The following ACBD4 variants were observed in gnomAD, a reference collection of about 807,000 sequenced individuals.
The protein encoded by ACBD4 is acyl-CoA binding domain containing 4, also known as acyl-CoA-binding domain-containing protein 4.
A neutral mutation model predicts 46.0 loss-of-function variants in ACBD4; 41 were observed. The ratio of observed to expected loss-of-function variants is 0.89; its 90% CI spans 0.69 to 1.16. The LOEUF is 1.16. Ranked by LOEUF, ACBD4 falls within the 50% of genes most tolerant of loss-of-function variation. The probability of loss-of-function intolerance (pLI) is 0.00; values close to 1 mark genes in which losing one functional copy is unlikely to be tolerated. For synonymous variants in ACBD4, 162 were observed against 155.9 expected (o/e 1.04, Z -0.29); for missense variants, 393 against 399.5 (o/e 0.98, Z 0.14).
chr17:45,137,973 C>A lies in ACBD4; in HGVS notation c.634C>A (p.Pro212Thr). ...GCGTGATCCCAGGAACAGCCCCGTGCCCCCCACAAAGAAAGGTGAGCTCCT... is the reference window on the plus strand; with the variant it reads ...GCGTGATCCCAGGAACAGCCCCGTGACCCCCACAAAGAAAGGTGAGCTCCT... ...GKRDPRNSPV[P>T]PTKKEGLRGS... Residue 212 changes from proline (P) to threonine (T), a missense_variant, in exon 8 of 10, where the codon CCC (proline) becomes ACC (threonine). Pro to Thr is a conservative substitution (Grantham distance 38, BLOSUM62 -1). Transcript: ENST00000321854. 2 of 1,613,456 alleles carry A rather than the reference C, an allele frequency of 1.2e-6. No individual in the cohort carries two copies. The highest frequency in any genetic ancestry group is 1.7e-6 in the Non-Finnish European group (2 of 1,179,850).
chr17:45,141,930 C>CAAA, intron 9 of ACBD4, among the ~76,000 whole-genome samples: 1 of 129,442 alleles, frequency 7.7e-6, no homozygotes, highest in Middle Eastern at 3.9e-3. Flanking sequence ...TAGTAATTGC[C>CAAA]AAAAAAAAAA....
intron 5 of ACBD4, 32 bp downstream of exon 5, chr17:45,137,171 G>A (rs1223650564): frequency 6.2e-7 from 1 of 1,613,832 alleles, no homozygotes; most frequent in South Asian, 1.1e-5. Flanking sequence ...CTCCAAAAGT[G>A]CTGAGTGAAC....
rs369428697 is a variant in ACBD4 at position 45,139,102 on chromosome 17, T to C, written c.731T>C (p.Met244Thr). ...LGTVRALQESMQEVQARVQSL... is the reference protein window; with the variant it reads ...LGTVRALQESTQEVQARVQSL... ...ACAGTTCGAGCACTACAGGAGAGCA[T>C]GCAGGAGGTGCAGGCGAGGGTGCAG... is the stretch of plus-strand genomic sequence containing the variant. Residue 244 changes from methionine (M) to threonine (T), a missense_variant, in exon 9 of 10, where the codon ATG (methionine) becomes ACG (threonine). Coordinates refer to ENST00000321854, the MANE Select transcript of ACBD4 (RefSeq NM_001135705.3). 2.1e-5 allele frequency: 34 copies of C among 1,613,744 alleles called. No homozygotes were observed. Among genetic ancestry groups the C allele is most frequent in the Non-Finnish European group, 2.5e-5 (30 of 1,180,032 alleles).
chr17:45,143,660 T>G lies in ACBD4; in HGVS notation c.*89T>G. The stretch of plus-strand genomic sequence containing the variant: ...GGTTTAGAAGAACAGCATTCAAAAT[T>G]CCCCGTCCTGTCAGTGTTTGCCTTC... On this transcript the variant is annotated 3_prime_UTR_variant, in exon 10 of 10. Coordinates refer to ENST00000321854, the MANE Select transcript of ACBD4 (RefSeq NM_001135705.3). 1 of 1,605,494 alleles carries G rather than the reference T, an allele frequency of 6.2e-7. No individual in the cohort carries two copies. The highest frequency in any genetic ancestry group is 8.5e-7 in the Non-Finnish European group (1 of 1,174,426).
At chr17:45,142,137 A>G (rs1339442235) in intron 9 of ACBD4, among the ~76,000 whole-genome samples, 1 of 152,138 alleles carries the variant, frequency 6.6e-6, no homozygotes, top group African/African-American at 2.4e-5. Context: ...TCACGCCTGT[A>G]ATCCTAGCAC....
chr17:45,137,334 C>G (rs186654804), intron 5 of ACBD4, 34 bp from the exon 6 acceptor site: 1 of 1,613,122 alleles, frequency 6.2e-7, no homozygotes, highest in African/African-American at 1.3e-5. Flanking sequence ...CCAGCCTCTC[C>G]CCAGGCCCAC....
rs770183700 is a variant in ACBD4, at chr17:45,143,489, C to T, written c.836C>T (p.Pro279Leu). ...GCTCGGCCATGGCCCCTTGGGCTCC[C>T]GGGGCCCGCGCTGCTCTTCTTCCTC... is the stretch of plus-strand genomic sequence containing the variant. ...PSARPWPLGL[P>L]GPALLFFLLW... The change falls in exon 10 of 10, where the codon CCG becomes CTG. Residue 279 changes from proline (P) to leucine (L), a missense_variant. Pro to Leu is a moderately conservative substitution (Grantham distance 98, BLOSUM62 -3). This residue lies in a region of ACBD4 where 308 missense variants were observed against 301.8 expected (regional missense o/e 1.02). Coordinates refer to ENST00000321854, the MANE Select transcript of ACBD4 (RefSeq NM_001135705.3). The T allele has an allele frequency of 3.1e-6, 5 of 1,613,424 alleles. No homozygotes were observed. Among genetic ancestry groups the T allele is most frequent in the Non-Finnish European group, 2.5e-6 (3 of 1,179,944 alleles).
chr17:45,135,463 G>A (rs2054754234), upstream of ACBD4: 1 of 151,214 alleles, frequency 6.6e-6, no homozygotes, highest in African/African-American at 2.4e-5. Flanking sequence ...ATGTGCACCA[G>A]GGGGCGCTGC....
At position 45,136,551 on chromosome 17, in the gene ACBD4, A is replaced by C. The variant is rs768835046; in HGVS notation, c.140A>C (p.Lys47Thr). 6.8e-6 allele frequency: 11 copies of C among 1,613,804 alleles called. No individual in the cohort carries two copies. The highest frequency in any genetic ancestry group is 1.7e-5 in the Admixed American group (1 of 60,010). The change falls in exon 3 of 10, where the codon AAG becomes ACG. Residue 47 changes from lysine (K) to threonine (T), a missense_variant. Coordinates refer to ENST00000321854, the MANE Select transcript of ACBD4 (RefSeq NM_001135705.3). ...EEMLRFYSYY[K>T]QATMGPCLVP... Reference sequence around the variant, plus strand: ...ATGCTGCGATTCTACAGTTACTACAAGCAGGCCACCATGGGGCCCTGCCTG... The same window carrying C: ...ATGCTGCGATTCTACAGTTACTACACGCAGGCCACCATGGGGCCCTGCCTG...
intron 9 of ACBD4, among the ~76,000 whole-genome samples, chr17:45,140,892 A>G (rs11653796): frequency 0.24 from 36,187 of 152,096 alleles, 4,434 homozygotes; most frequent in Middle Eastern, 0.3. Flanking sequence ...AGGCACCTGT[A>G]ATCCCAGCTA....
At chr17:45,140,914 G>A (rs746699943) in intron 9 of ACBD4, among the ~76,000 whole-genome samples, 1 of 152,208 alleles carries the variant, frequency 6.6e-6, no homozygotes, top group African/African-American at 2.4e-5. Context: ...TCAGGAGGCT[G>A]AGGCAGGAGA....
At position 45,139,151 on chromosome 17, in the gene ACBD4, C is replaced by T. The variant is rs371382726; in HGVS notation, c.780C>T (p.Pro260=). ...AGAGCCTGGAGAGCATGCCCCGGCCCCCTGAGCAGGTAGAGTCCCCCACCC... is the reference window on the plus strand; with the variant it reads ...AGAGCCTGGAGAGCATGCCCCGGCCTCCTGAGCAGGTAGAGTCCCCCACCC... ...RVQSLESMPR[P]PEQRPQPRPS... Residue 260 remains proline, a synonymous_variant, in exon 9 of 10, where the codon CCC becomes CCT. Transcript: ENST00000321854. 1 of 1,613,582 alleles carries T rather than the reference C, an allele frequency of 6.2e-7. No individual in the cohort carries two copies. Among genetic ancestry groups the T allele is most frequent in the East Asian group, 2.2e-5 (1 of 44,886 alleles).
chr17:45,132,601 C>A (rs1598044037), upstream of ACBD4: 1 of 132,332 alleles, frequency 7.6e-6, no homozygotes, highest in Non-Finnish European at 1.6e-5. The surrounding 1 kb of genome is among the most constrained non-coding windows in gnomAD (Gnocchi z 4.6). Flanking sequence ...GGGGCCGGGG[C>A]GGTGCGAGGG....
chr17:45,137,254 C>A, intron 5 of ACBD4, 114 bp from the exon 6 acceptor site: 1 of 1,597,060 alleles, frequency 6.3e-7, no homozygotes, highest in East Asian at 2.2e-5. Context: ...GCCCCCAAGC[C>A]CCCGAGAGGT....
chr17:45,138,283 G>A (rs1274537490), intron 8 of ACBD4: 12 of 530,488 alleles, frequency 2.3e-5, no homozygotes, highest in Non-Finnish European at 4.1e-5. Context: ...CAGCTGCACA[G>A]CCTCAGGAAG....
rs761285302 is a variant in ACBD4 at position 45,137,759 on chromosome 17, G to A, written c.503-1G>A. On this transcript the variant is annotated splice_acceptor_variant, in intron 6 of 9. Coordinates refer to ENST00000321854, the MANE Select transcript of ACBD4 (RefSeq NM_001135705.3). LOFTEE classifies it high-confidence loss of function. ...CAGTAACTCTACCAACCCCTCCACA[G>A]AGTCCCATTCACCCAGGGACCTGGA... The A allele has an allele frequency of 2.0e-5, 32 of 1,613,838 alleles. No homozygotes were observed. In the Middle Eastern group the frequency reaches 4.9e-4, roughly 25 times the overall value.
chr17:45,136,832 C>A, intron 4 of ACBD4, 56 bp downstream of exon 4: 1 of 1,606,016 alleles, frequency 6.2e-7, no homozygotes, highest in South Asian at 1.1e-5. Context: ...CTCACCCTTC[C>A]AGTTCTGACC....
intron 8 of ACBD4, 129 bp downstream of exon 8, chr17:45,138,117 T>G: frequency 2.0e-6 from 2 of 1,024,976 alleles, no homozygotes; most frequent in Non-Finnish European, 2.9e-6. Flanking sequence ...GAGAAGCCTC[T>G]GTCCAGGAAG....
chr17:45,136,939 G>A (rs1598073788), intron 4 of ACBD4, 80 bp from the exon 5 acceptor site: 1 of 1,605,978 alleles, frequency 6.2e-7, no homozygotes, highest in African/African-American at 1.3e-5. Flanking sequence ...TGGGCACAGG[G>A]TGGAGGTGTG....
Sources: gnomAD v4.1 joint callset for allele counts (sites outside exome capture counted in the v4.1 genomes callset) on GRCh38, gnomAD v4.1.1 for gene constraint, gnomAD v4.1.1 regional missense constraint, Gnocchi (gnomAD v3.1) non-coding constraint, MANE v1.5 for transcripts, NCBI Gene and HGNC (gene_info 2026-07-23, HGNC 2026-07-21) for gene names.